Variants in SEC22A observed in about 807,000 individuals in gnomAD.
The protein encoded by SEC22A is vesicle-trafficking protein SEC22a.
A neutral mutation model predicts 35.3 loss-of-function variants in SEC22A; 22 were observed. The observed-to-expected ratio is 0.62, with a 90% CI of 0.45 to 0.89. The LOEUF (loss-of-function observed/expected upper bound fraction) is 0.89. Among genes scored for constraint, SEC22A ranks in the 40% least tolerant of loss-of-function variants. The probability of loss-of-function intolerance (pLI) is 0.00; values close to 1 mark genes in which losing one functional copy is unlikely to be tolerated. For synonymous variants in SEC22A, 119 were observed against 129.5 expected (o/e 0.92, Z 0.55); for missense variants, 354 against 362.5 (o/e 0.98, Z 0.19).
intron 4 of SEC22A, among the ~76,000 whole-genome samples, chr3:123,237,435 A>G (rs1405224131): frequency 6.6e-6 from 1 of 152,236 alleles, no homozygotes; most frequent in African/African-American, 2.4e-5. Context: ...CCTCCAAGAC[A>G]CATCCATTTT....
chr3:123,269,734 G>A (rs1267672314), intron 6 of SEC22A, among the ~76,000 whole-genome samples: 1 of 146,492 alleles, frequency 6.8e-6, no homozygotes, highest in Non-Finnish European at 1.5e-5. Context: ...CCAGGTTCAT[G>A]CCATTCTCCT....
chr3:123,221,118 A>T (rs1057337506), intron 2 of SEC22A, among the ~76,000 whole-genome samples: 1 of 151,422 alleles, frequency 6.6e-6, no homozygotes, highest in Non-Finnish European at 1.5e-5. Flanking sequence ...TTCTGCTTCT[A>T]TGTTATTCGA....
chr3:123,221,831 C>T (rs1708457770), intron 2 of SEC22A, among the ~76,000 whole-genome samples: 2 of 152,132 alleles, frequency 1.3e-5, no homozygotes, highest in Admixed American at 1.3e-4. Context: ...CACCTGTTCC[C>T]ATAGTCACCT....
intron 2 of SEC22A, among the ~76,000 whole-genome samples, chr3:123,219,806 G>A (rs890187751): frequency 6.6e-6 from 1 of 152,146 alleles, no homozygotes; most frequent in Admixed American, 6.5e-5. Flanking sequence ...AATGACTTTA[G>A]ACTATTTTAT....
At chr3:123,256,768 T>A (rs1937741236) in intron 5 of SEC22A, among the ~76,000 whole-genome samples, 1 of 148,622 alleles carries the variant, frequency 6.7e-6, no homozygotes, top group African/African-American at 2.5e-5. Context: ...CTTTTTTTTT[T>A]TTTTTTTTTG....
At chr3:123,215,934 A>G (rs931216894) in intron 2 of SEC22A, among the ~76,000 whole-genome samples, 2 of 152,298 alleles carry the variant, frequency 1.3e-5, no homozygotes, top group South Asian at 4.1e-4. Context: ...GCATTGTCTC[A>G]TTGTAGACTA....
At chr3:123,222,255 A>G (rs1273421649) in intron 2 of SEC22A, among the ~76,000 whole-genome samples, 1 of 151,544 alleles carries the variant, frequency 6.6e-6, no homozygotes, top group Non-Finnish European at 1.5e-5. Context: ...CTGGAGTGCA[A>G]TGGCGCAATC....
chr3:123,210,475 AAAGT>A (rs781716525), intron 2 of SEC22A, among the ~76,000 whole-genome samples: 9 of 152,220 alleles, frequency 5.9e-5, no homozygotes, highest in African/African-American at 1.4e-4. Context: ...TCCTTGGTAA[AAAGT>A]AAGAGTTCTG....
At chr3:123,259,668 A>G (rs1326108716) in intron 6 of SEC22A, 79 bp downstream of exon 6, 1 of 972,074 alleles carries the variant, frequency 1.0e-6, no homozygotes, top group African/African-American at 1.6e-5. Context: ...TGTGCATTTT[A>G]AATAAATTAT....
At chr3:123,217,327 G>A (rs7646584) in intron 2 of SEC22A, among the ~76,000 whole-genome samples, 34,150 of 151,480 alleles carry the variant, frequency 0.23, 4,048 homozygotes, top group Middle Eastern at 0.3. Context: ...CCTCCTGAGT[G>A]GCTGGGACTA....
chr3:123,250,989 C>A (rs1937607289), intron 5 of SEC22A, among the ~76,000 whole-genome samples: 1 of 152,054 alleles, frequency 6.6e-6, no homozygotes, highest in Non-Finnish European at 1.5e-5. Flanking sequence ...ATATTTGACT[C>A]ATTTTAAATA....
chr3:123,260,839 C>CTTT (rs11293756), intron 6 of SEC22A, among the ~76,000 whole-genome samples: 1 of 134,656 alleles, frequency 7.4e-6, no homozygotes, highest in Non-Finnish European at 1.6e-5. Context: ...TTTTCTTTTT[C>CTTT]TTTTTTTTTT....
intron 6 of SEC22A, among the ~76,000 whole-genome samples, chr3:123,260,365 A>G (rs1331382955): frequency 1.3e-5 from 2 of 152,134 alleles, no homozygotes; most frequent in Non-Finnish European, 2.9e-5. Flanking sequence ...TTGGTTTGGA[A>G]TTATTACTAC....
chr3:123,220,372 T>TGACA (rs1051806445), intron 2 of SEC22A, among the ~76,000 whole-genome samples: 2 of 152,208 alleles, frequency 1.3e-5, no homozygotes, highest in African/African-American at 4.8e-5. Context: ...TGAATGCTAA[T>TGACA]GACATGTCAA....
chr3:123,220,903 A>T (rs1321080278), intron 2 of SEC22A, among the ~76,000 whole-genome samples: 1 of 95,942 alleles, frequency 1.0e-5, no homozygotes, highest in East Asian at 2.4e-4. Context: ...TATATGTCAC[A>T]TGTATATATT....
In SEC22A at chr3:123,223,570, C is replaced by T. The variant is rs747016658; in HGVS notation, c.194C>T (p.Ser65Phe). ...TTTTTACACTGTAGTTTTATTAGCT[C>T]TCTGGGAGTGAGCTACATGATGTTG... ...TGHYNINFIS[S>F]LGVSYMMLCT... The change falls in exon 3 of 7, where the codon TCT becomes TTT. Residue 65 changes from serine (S) to phenylalanine (F), a missense_variant. Ser to Phe is a radical substitution (Grantham distance 155, BLOSUM62 -2). Coordinates refer to ENST00000492595, the MANE Select transcript of SEC22A (RefSeq NM_012430.5). 17 of 1,612,804 alleles carry T rather than the reference C, an allele frequency of 1.1e-5. 1 individual carries two copies. The South Asian group carries it at 1.9e-4, about 18-fold the overall frequency.
intron 6 of SEC22A, among the ~76,000 whole-genome samples, chr3:123,262,940 C>T (rs2108103282): frequency 6.6e-6 from 1 of 152,210 alleles, no homozygotes; most frequent in Middle Eastern, 3.4e-3. Context: ...CCAATGTTAC[C>T]ATCTTGCAAA....
intron 2 of SEC22A, among the ~76,000 whole-genome samples, chr3:123,214,547 A>G (rs1002866989): frequency 2.0e-5 from 3 of 152,214 alleles, no homozygotes; most frequent in Non-Finnish European, 4.4e-5. Flanking sequence ...ATAAAATTTT[A>G]AGGAATTCAT....
rs545154395 is a variant in SEC22A at position 123,217,502 on chromosome 3, C to T, written c.183-6057C>T. ...TGCTGGGATTACAGGCGTGAGCCACCGCACCCGGCCCAAAACATTTTTTTA... is the reference window on the plus strand; with the variant it reads ...TGCTGGGATTACAGGCGTGAGCCACTGCACCCGGCCCAAAACATTTTTTTA... On this transcript the variant is annotated intron_variant, in intron 2 of 6. Coordinates refer to ENST00000492595, the MANE Select transcript of SEC22A (RefSeq NM_012430.5). Among the ~76,000 whole-genome samples the T allele has an allele frequency of 6.6e-5, 10 of 151,682 alleles. No homozygotes were observed. The East Asian group carries it at 7.7e-4, about 12-fold the overall frequency.
Sources: allele counts gnomAD v4.1 joint callset (sites outside exome capture counted in the v4.1 genomes callset), GRCh38; gene constraint gnomAD v4.1.1; transcripts MANE v1.5; gene names NCBI Gene and HGNC (gene_info 2026-07-23, HGNC 2026-07-21).